The following CCDC91 variants were observed in gnomAD, a reference collection of about 807,000 sequenced individuals.
CCDC91 encodes the protein coiled-coil domain-containing protein 91.
CCDC91 carries 48 observed loss-of-function variants against 63.2 expected under a neutral mutation model. The observed-to-expected ratio is 0.76, with a 90% CI of 0.60 to 0.97. The LOEUF is 0.97. Among genes scored for constraint, CCDC91 ranks in the 50% least tolerant of loss-of-function variants. The pLI is 0.00. For synonymous variants in CCDC91, 167 were observed against 165.8 expected, an observed-to-expected ratio of 1.01 and a Z score of -0.06; for missense variants, 500 against 494.6, an observed-to-expected ratio of 1.01 and a Z score of -0.10.
chr12:28,478,168 A>G (rs1439777165), intron 11 of CCDC91, among the ~76,000 whole-genome samples: 1 of 152,210 alleles, frequency 6.6e-6, no homozygotes, highest in South Asian at 2.1e-4. Flanking sequence ...ATCCTAAGCC[A>G]AAAGAGCAAA....
At chr12:28,396,354 T>G (rs1436383085) in intron 8 of CCDC91, among the ~76,000 whole-genome samples, 1 of 152,090 alleles carries the variant, frequency 6.6e-6, no homozygotes, top group Non-Finnish European at 1.5e-5. Context: ...GAAAGAACAT[T>G]GGGTGCTATT....
chr12:28,352,472 A>G (rs1943247030), intron 6 of CCDC91, among the ~76,000 whole-genome samples: 1 of 152,276 alleles, frequency 6.6e-6, no homozygotes, highest in South Asian at 2.1e-4. Flanking sequence ...TAATATTCCA[A>G]ATCCCTGGCG....
chr12:28,323,925 G>A (rs779713988), intron 6 of CCDC91, among the ~76,000 whole-genome samples: 2 of 151,836 alleles, frequency 1.3e-5, no homozygotes, highest in East Asian at 1.9e-4. Flanking sequence ...AGGCATTTTT[G>A]TAGCTGAATC....
intron 1 of CCDC91, among the ~76,000 whole-genome samples, chr12:28,243,087 T>C (rs554371583): frequency 2.0e-5 from 3 of 152,174 alleles, no homozygotes; most frequent in Non-Finnish European, 4.4e-5. Context: ...GGCTCAGGTA[T>C]TTCTTTAAAG....
intron 8 of CCDC91, among the ~76,000 whole-genome samples, chr12:28,434,837 A>G (rs567892667): frequency 5.3e-5 from 8 of 151,342 alleles, no homozygotes; most frequent in East Asian, 3.9e-4. Context: ...CATGTTATCT[A>G]TTTCTTCTTT....
chr12:28,510,823 A>C (rs1365326607), intron 12 of CCDC91, among the ~76,000 whole-genome samples: 2 of 151,896 alleles, frequency 1.3e-5, no homozygotes, highest in Non-Finnish European at 2.9e-5. Flanking sequence ...ATAACATCCA[A>C]ATTCCTCTCT....
intron 11 of CCDC91, among the ~76,000 whole-genome samples, chr12:28,473,631 G>C (rs1387866359): frequency 6.6e-6 from 1 of 151,946 alleles, no homozygotes; most frequent in Non-Finnish European, 1.5e-5. Flanking sequence ...ACTATTCATA[G>C]AGCCTAAGTT....
chr12:28,431,960 G>T (rs541069997), intron 8 of CCDC91, among the ~76,000 whole-genome samples: 1 of 151,732 alleles, frequency 6.6e-6, no homozygotes, highest in Non-Finnish European at 1.5e-5. Flanking sequence ...TTTCCAGAAG[G>T]TCGTATATTT....
intron 8 of CCDC91, among the ~76,000 whole-genome samples, chr12:28,402,139 G>A (rs548445245): frequency 3.2e-4 from 48 of 152,124 alleles, no homozygotes; most frequent in African/African-American, 1.1e-3. Flanking sequence ...TCCCCTGTGC[G>A]TTACATGATA....
At chr12:28,297,740 C>T (rs371335751) in intron 3 of CCDC91, among the ~76,000 whole-genome samples, 3 of 151,704 alleles carry the variant, frequency 2.0e-5, no homozygotes, top group African/African-American at 7.3e-5. Flanking sequence ...TGACATTACA[C>T]GATTTTTAAT....
At chr12:28,446,137 G>C (rs1283412499) in intron 8 of CCDC91, among the ~76,000 whole-genome samples, 1 of 152,102 alleles carries the variant, frequency 6.6e-6, no homozygotes, top group Non-Finnish European at 1.5e-5. Context: ...TTAACACATT[G>C]CTCCTAGAAT....
At chr12:28,390,624 A>T (rs1945872720) in intron 7 of CCDC91, among the ~76,000 whole-genome samples, 1 of 152,102 alleles carries the variant, frequency 6.6e-6, no homozygotes, top group Admixed American at 6.6e-5. Flanking sequence ...TATTTATCTG[A>T]CTTGAGTTCC....
At chr12:28,447,419 T>C (rs1949555451) in intron 8 of CCDC91, among the ~76,000 whole-genome samples, 1 of 151,968 alleles carries the variant, frequency 6.6e-6, no homozygotes, top group Non-Finnish European at 1.5e-5. Flanking sequence ...CTGGGATATT[T>C]TCACTTCTTT....
chr12:28,328,752 T>C (rs1941238515), intron 6 of CCDC91, among the ~76,000 whole-genome samples: 1 of 152,212 alleles, frequency 6.6e-6, no homozygotes, highest in Admixed American at 6.5e-5. Context: ...AAAAGAATTA[T>C]TATTTTTTAT....
At chr12:28,218,699 TTGTGTGTGTGTG>T (rs60247849) in intron 1 of CCDC91, among the ~76,000 whole-genome samples, 113 of 146,626 alleles carry the variant, frequency 7.7e-4, no homozygotes, top group Admixed American at 2.6e-3. Context: ...TTGCAGATGT[TTGTGTGTGTGTG>T]TGTGTGTGTG....
intron 1 of CCDC91, among the ~76,000 whole-genome samples, chr12:28,219,882 C>T (rs1461145470): frequency 1.3e-5 from 2 of 151,496 alleles, no homozygotes; most frequent in Middle Eastern, 6.4e-3. Context: ...AAATTTCTCC[C>T]TTTAATATTC....
At chr12:28,323,053 GATT>G (rs1940669661) in intron 6 of CCDC91, among the ~76,000 whole-genome samples, 1 of 150,070 alleles carries the variant, frequency 6.7e-6, no homozygotes, top group Non-Finnish European at 1.5e-5. Flanking sequence ...TATATATTAG[GATT>G]ATTTACATTT....
intron 8 of CCDC91, among the ~76,000 whole-genome samples, chr12:28,409,056 A>G (rs1947149794): frequency 6.6e-6 from 1 of 152,156 alleles, no homozygotes; most frequent in Non-Finnish European, 1.5e-5. Context: ...ATGTTGTTGC[A>G]TCTTCCTTTT....
chr12:28,360,051 C>T (rs1943777763), intron 6 of CCDC91, among the ~76,000 whole-genome samples: 1 of 152,072 alleles, frequency 6.6e-6, no homozygotes. Context: ...AAGGAGCTCC[C>T]ACAAAAATGG....
Sources: allele counts gnomAD v4.1 joint callset (sites outside exome capture counted in the v4.1 genomes callset), GRCh38; gene constraint gnomAD v4.1.1; transcripts MANE v1.5; gene names NCBI Gene and HGNC (gene_info 2026-07-23, HGNC 2026-07-21).